Variants in DIO2 observed in about 807,000 individuals in gnomAD.
DIO2 encodes the protein type II iodothyronine deiodinase.
DIO2 carries 19 observed loss-of-function variants against 21.4 expected under a neutral mutation model. That is an observed-to-expected ratio of 0.89 (90% CI 0.62 to 1.30). The LOEUF is 1.30. Among genes scored for constraint, DIO2 ranks in the 50% most tolerant of loss-of-function variants. The pLI is 0.00. For missense variants in DIO2, 302 were observed against 338.1 expected, an observed-to-expected ratio of 0.89 and a Z score of 0.84; for synonymous variants, 122 against 132.9, an observed-to-expected ratio of 0.92 and a Z score of 0.57.
chr14:80,212,588 G>A (rs1888250901), upstream of DIO2, among the ~76,000 whole-genome samples: 1 of 152,126 alleles, frequency 6.6e-6, no homozygotes, highest in East Asian at 1.9e-4. Flanking sequence ...TATCACAGGC[G>A]GTCTTTGCTC....
chr14:80,210,275 C>G (rs749910670), intron 1 of DIO2, among the ~76,000 whole-genome samples: 19 of 152,100 alleles, frequency 1.2e-4, no homozygotes, highest in Non-Finnish European at 2.4e-4. Context: ...AAGACCAGGG[C>G]GAAAATCATC....
At chr14:80,211,734 CTTTTTTTTTTT>C (rs78814131), upstream of DIO2, 2 of 61,238 alleles carry the variant, frequency 3.3e-5, no homozygotes, top group East Asian at 4.1e-4. Context: ...GAGCTGCTGC[CTTTTTTTTTTT>C]TTTTTTTTTT....
intron 1 of DIO2, chr14:80,206,302 G>A (rs769990672): frequency 1.3e-6 from 2 of 1,570,618 alleles, no homozygotes; most frequent in East Asian, 4.6e-5. Flanking sequence ...CATAAAATGT[G>A]TCCATCTTTG....
At chr14:80,218,786 T>C (rs1888405424) in intron 2 of DIO2, among the ~76,000 whole-genome samples, 1 of 152,100 alleles carries the variant, frequency 6.6e-6, no homozygotes, top group South Asian at 2.1e-4. Context: ...GAGACCAGCC[T>C]GGCCAACATG....
At chr14:80,221,368 A>C (rs1263707813) in intron 2 of DIO2, among the ~76,000 whole-genome samples, 1 of 152,198 alleles carries the variant, frequency 6.6e-6, no homozygotes, top group African/African-American at 2.4e-5. Flanking sequence ...CTAGAAACCA[A>C]TGTTTTGTCT....
rs80075917 is a variant in DIO2, at chr14:80,230,512, A to T, written c.-277-13775T>A. Among the ~76,000 whole-genome samples the T allele has an allele frequency of 2.8e-3, 432 of 152,158 alleles. 3 individuals carry two copies. Among genetic ancestry groups the T allele is most frequent in the African/African-American group, 0.01 (418 of 41,504 alleles). ...ATCATTTTCTTTCATTACTTTCCCC[A>T]CTGAACTTAGGAGGAACAAATCAGC... On this transcript the variant is annotated intron_variant, in intron 2 of 4. Transcript: ENST00000553594.
upstream of DIO2, among the ~76,000 whole-genome samples, chr14:80,215,619 G>T (rs889307022): frequency 1.3e-5 from 2 of 152,100 alleles, no homozygotes; most frequent in East Asian, 3.9e-4. Flanking sequence ...TTAAAAAATG[G>T]CATTTCATTT....
At chr14:80,224,496 T>TACATACACACAC (rs1888530067) in intron 2 of DIO2, among the ~76,000 whole-genome samples, 1 of 138,380 alleles carries the variant, frequency 7.2e-6, no homozygotes, top group Non-Finnish European at 1.6e-5. Context: ...AGAGAGATAC[T>TACATACACACAC]ACACACACAC....
At chr14:80,206,301 T>C in intron 1 of DIO2, 2 of 1,571,618 alleles carry the variant, frequency 1.3e-6, no homozygotes, top group South Asian at 2.4e-5. Context: ...TCATAAAATG[T>C]GTCCATCTTT....
chr14:80,202,887 G>A lies in DIO2; in HGVS notation c.624C>T (p.Cys208=). ...LLERFSLPPQ[C]RVVADRMDNN... ...TGTCCATGCGGTCAGCCACAACTCG[G>A]CACTGGGGCGGCAAGGAGAAACGCT... is the stretch of plus-strand genomic sequence containing the variant. Residue 208 remains cysteine (C), a synonymous_variant, in exon 2 of 2, where the codon TGC becomes TGT. Coordinates refer to ENST00000438257, the MANE Select transcript of DIO2 (RefSeq NM_013989.5). The A allele has an allele frequency of 6.2e-7, 1 of 1,613,920 alleles. No individual in the cohort carries two copies. The highest frequency in any genetic ancestry group is 8.5e-7 in the Non-Finnish European group (1 of 1,179,864).
intron 2 of DIO2, among the ~76,000 whole-genome samples, chr14:80,229,739 C>T (rs1362173608): frequency 6.6e-6 from 1 of 152,202 alleles, no homozygotes; most frequent in African/African-American, 2.4e-5. Context: ...AGAGCTGCAA[C>T]ATTAAATGCA....
In DIO2 at chr14:80,197,754, A is replaced by G. The variant is rs997874577; in HGVS notation, c.*4935T>C. Reference sequence around the variant, plus strand: ...CCCGCATATTCTCCTTGCCAGGGAGACAAAGATGGGGAGAGGCAAACTAAT... The same window carrying G: ...CCCGCATATTCTCCTTGCCAGGGAGGCAAAGATGGGGAGAGGCAAACTAAT... On this transcript the variant is annotated 3_prime_UTR_variant, in exon 2 of 2. Transcript: ENST00000438257. 9 of 152,590 alleles carry G rather than the reference A, an allele frequency of 5.9e-5. No individual in the cohort carries two copies. The highest frequency in any genetic ancestry group is 2.2e-4 in the African/African-American group (9 of 41,430). 9.5% of individuals were successfully genotyped at this position (152,590 alleles called of 1,614,324 possible).
chr14:80,226,330 A>G (rs943213397), intron 2 of DIO2, among the ~76,000 whole-genome samples: 4 of 152,202 alleles, frequency 2.6e-5, no homozygotes, highest in African/African-American at 9.7e-5. Context: ...GCCCACTGCC[A>G]CACTTATTTA....
Position 80,202,842 on chromosome 14 carries a change from G to GT in DIO2, c.668dup (p.Tyr223Ter), listed in dbSNP as rs1197229013. The change falls in exon 2 of 2, where the codon TAC becomes TAAC. Residue 223 changes from tyrosine to a stop codon, truncating the protein, a stop_gained and frameshift_variant. Transcript: ENST00000438257. LOFTEE classifies it high-confidence loss of function. ...DRMDNNANIA[Y>*]GVAFERVCIV... ...TGCACACACGTTCAAAGGCTACCCC[G>GT]TAAGCTATGTTGGCGTTATTGTCCA... The GT allele has an allele frequency of 6.2e-7, 1 of 1,613,766 alleles. No individual in the cohort carries two copies. Among genetic ancestry groups the GT allele is most frequent in the African/African-American group, 1.3e-5 (1 of 74,876 alleles).
chr14:80,223,183 T>C (rs547542336), intron 2 of DIO2, among the ~76,000 whole-genome samples: 12 of 152,170 alleles, frequency 7.9e-5, no homozygotes, highest in Non-Finnish European at 1.8e-4. Flanking sequence ...TGCTTGACAT[T>C]GCTATTTGAA....
chr14:80,207,298 GA>G (rs1327569221), intron 1 of DIO2, among the ~76,000 whole-genome samples: 2 of 152,188 alleles, frequency 1.3e-5, no homozygotes, highest in Non-Finnish European at 2.9e-5. Context: ...GGGGAAAAAG[GA>G]AATGCTGCTT....
At chr14:80,207,163 C>T (rs1887985196) in intron 1 of DIO2, among the ~76,000 whole-genome samples, 2 of 152,086 alleles carry the variant, frequency 1.3e-5, no homozygotes, top group Admixed American at 1.3e-4. Flanking sequence ...ATTTTTACAA[C>T]AGAAGACATC....
chr14:80,230,319 G>A (rs1434325931), intron 2 of DIO2, among the ~76,000 whole-genome samples: 1 of 152,152 alleles, frequency 6.6e-6, no homozygotes, highest in Non-Finnish European at 1.5e-5. Context: ...GTGAGGCTGT[G>A]CATGCACCTT....
At position 80,202,681 on chromosome 14, in the gene DIO2, T is replaced by A; in HGVS notation, c.*8A>T. 1 of 1,602,610 alleles carries A rather than the reference T, an allele frequency of 6.2e-7. No homozygotes were observed. The highest frequency in any genetic ancestry group is 8.5e-7 in the Non-Finnish European group (1 of 1,173,874). ...TTTAAAACAATAAGCTCTCTTATAA[T>A]CATACCTTTAACCAGCTAATCTAGT... On this transcript the variant is annotated 3_prime_UTR_variant, in exon 2 of 2. Transcript: ENST00000438257.
Sources: gnomAD v4.1 joint callset for allele counts (sites outside exome capture counted in the v4.1 genomes callset) on GRCh38, gnomAD v4.1.1 for gene constraint, MANE v1.5 for transcripts, NCBI Gene and HGNC (gene_info 2026-07-23, HGNC 2026-07-21) for gene names.